The following SLC12A7 variants were observed in gnomAD, a reference collection of about 807,000 sequenced individuals.
SLC12A7 encodes the protein K-Cl cotransporter 4.
A neutral mutation model predicts 120.6 loss-of-function variants in SLC12A7; 100 were observed. That is an observed-to-expected ratio of 0.83 (90% CI 0.71 to 0.98). The LOEUF (loss-of-function observed/expected upper bound fraction) is 0.98. Ranked by LOEUF, SLC12A7 falls within the 50% of genes least tolerant of loss-of-function variation. SLC12A7 has a pLI of 0.00. For missense variants in SLC12A7, 1,373 were observed against 1,548.1 expected, an observed-to-expected ratio of 0.89 and a Z score of 1.90; for synonymous variants, 760 against 678.0, an observed-to-expected ratio of 1.12 and a Z score of -1.88.
intron 1 of SLC12A7, among the ~76,000 whole-genome samples, chr5:1,108,431 C>G (rs1302933155): frequency 6.6e-6 from 1 of 152,220 alleles, no homozygotes; most frequent in African/African-American, 2.4e-5. Flanking sequence ...ATACCCATGA[C>G]CTTCCGTTCC....
chr5:1,085,317 G>A lies in SLC12A7; in HGVS notation c.832C>T (p.Leu278=), dbSNP rs1204776546. ...VGVKYVNKLA[L]VFLACVVLSI... ...AGCACGACGCAGGCCAGGAAGACCA[G>A]CGCCAGCTTGTTGACATACTTGACG... Residue 278 remains leucine, a synonymous_variant, in exon 7 of 24, where the codon CTG becomes TTG. Coordinates refer to ENST00000264930, the MANE Select transcript of SLC12A7 (RefSeq NM_006598.3). The A allele has an allele frequency of 2.5e-6, 4 of 1,612,472 alleles. No individual in the cohort carries two copies. Among genetic ancestry groups the A allele is most frequent in the African/African-American group, 2.7e-5 (2 of 74,950 alleles).
the SLC12A7 span, among the ~76,000 whole-genome samples, chr5:1,132,325 A>T: frequency 6.6e-6 from 1 of 152,082 alleles, no homozygotes; most frequent in Non-Finnish European, 1.5e-5. Context: ...TTCCTGGAAA[A>T]TTCATGAAAA....
Position 1,057,653 on chromosome 5 carries a change from G to A in SLC12A7, c.2848-4C>T. ...TCCTGTCGTGGATCAGCTGGGCCTG[G>A]CGGGCCCGGGACTTGGTGAGACCAG... On this transcript the variant is annotated splice_region_variant and splice_polypyrimidine_tract_variant and intron_variant, in intron 21 of 23. Transcript: ENST00000264930. 1 of 1,593,314 alleles carries A rather than the reference G, an allele frequency of 6.3e-7. No homozygotes were observed. Among genetic ancestry groups the A allele is most frequent in the Non-Finnish European group, 8.5e-7 (1 of 1,176,992 alleles).
At chr5:1,152,120 C>T in the SLC12A7 span, among the ~76,000 whole-genome samples, 1 of 152,128 alleles carries the variant, frequency 6.6e-6, no homozygotes, top group Non-Finnish European at 1.5e-5. Flanking sequence ...TCTCCCCTCC[C>T]CTCCCCTCTC....
chr5:1,086,590 C>T (rs1052988191), intron 6 of SLC12A7, among the ~76,000 whole-genome samples: 5 of 152,362 alleles, frequency 3.3e-5, no homozygotes, highest in Admixed American at 1.3e-4. Flanking sequence ...AGCCCTGCTC[C>T]TAAAACAGCT....
the SLC12A7 span, among the ~76,000 whole-genome samples, chr5:1,154,386 CACACAG>C: frequency 6.6e-6 from 1 of 150,810 alleles, no homozygotes; most frequent in Non-Finnish European, 1.5e-5. Flanking sequence ...CACACACACA[CACACAG>C]AGACACATAC....
intron 23 of SLC12A7, 138 bp downstream of exon 23, chr5:1,053,211 G>T (rs10063723): frequency 1.8e-6 from 2 of 1,131,358 alleles, no homozygotes; most frequent in South Asian, 1.6e-5. Flanking sequence ...ACTGCATCCC[G>T]GTCGTAGCTC....
At position 1,110,368 on chromosome 5, in the gene SLC12A7, C is replaced by T. The variant is rs150811769; in HGVS notation, c.124+1500G>A. Among the ~76,000 whole-genome samples, 1,346 of 152,344 alleles carry T rather than the reference C, an allele frequency of 8.8e-3. 16 individuals carry two copies. The highest frequency in any genetic ancestry group is 0.014 in the Non-Finnish European group (927 of 68,030). Reference sequence around the variant, plus strand: ...ACACGCCCGTAGCAGGACCTGAGTGCGCGGGCAGCGACATGGGCAGCGCTC... The same window carrying T: ...ACACGCCCGTAGCAGGACCTGAGTGTGCGGGCAGCGACATGGGCAGCGCTC... On this transcript the variant is annotated intron_variant, in intron 1 of 23. Coordinates refer to ENST00000264930, the MANE Select transcript of SLC12A7 (RefSeq NM_006598.3).
chr5:1,061,920 G>A (rs1281703140), intron 20 of SLC12A7, among the ~76,000 whole-genome samples: 4 of 152,184 alleles, frequency 2.6e-5, no homozygotes, highest in African/African-American at 4.8e-5. Flanking sequence ...GGGACAGAGC[G>A]AGACTCTGTC....
chr5:1,083,495 C>T (rs1464116152), intron 8 of SLC12A7, among the ~76,000 whole-genome samples: 1 of 152,232 alleles, frequency 6.6e-6, no homozygotes, highest in African/African-American at 2.4e-5. Context: ...GAAAATAAAT[C>T]CATAGCATTA....
At chr5:1,065,010 CTGAGGGGACACGGGACAG>C (rs1203342472) in intron 18 of SLC12A7, among the ~76,000 whole-genome samples, 1 of 91,996 alleles carries the variant, frequency 1.1e-5, no homozygotes, top group Non-Finnish European at 2.0e-5. Context: ...GCAGAGGAGA[CTGAGGGGACACGGGACAG>C]TGAGGGGACA....
upstream of SLC12A7, among the ~76,000 whole-genome samples, chr5:1,115,145 G>C (rs925191647): frequency 5.9e-5 from 9 of 152,218 alleles, no homozygotes; most frequent in Non-Finnish European, 1.3e-4. Flanking sequence ...ATGCAATCTC[G>C]CATCCTTATG....
chr5:1,136,034 C>T, the SLC12A7 span, among the ~76,000 whole-genome samples: 1 of 152,172 alleles, frequency 6.6e-6, no homozygotes, highest in Non-Finnish European at 1.5e-5. Flanking sequence ...CACGGATGCA[C>T]ATTGCCCCTT....
chr5:1,138,505 G>A, the SLC12A7 span, among the ~76,000 whole-genome samples: 3 of 152,122 alleles, frequency 2.0e-5, no homozygotes, highest in Non-Finnish European at 4.4e-5. Context: ...AGGCCCAGCG[G>A]GCTTCACCTC....
At chr5:1,075,283 GC>G (rs1178055054) in intron 15 of SLC12A7, 87 bp downstream of exon 15, 1 of 1,517,108 alleles carries the variant, frequency 6.6e-7, no homozygotes, top group Non-Finnish European at 8.9e-7. Flanking sequence ...CCCCAGGGAG[GC>G]CCCTCCAGGG....
chr5:1,126,484 G>A, the SLC12A7 span, among the ~76,000 whole-genome samples: 5 of 152,108 alleles, frequency 3.3e-5, no homozygotes, highest in African/African-American at 9.7e-5. Flanking sequence ...ATTTGTTTTT[G>A]GTTTTTGTTT....
At chr5:1,054,048 C>T (rs572761848) in intron 22 of SLC12A7, among the ~76,000 whole-genome samples, 6 of 152,348 alleles carry the variant, frequency 3.9e-5, no homozygotes, top group Non-Finnish European at 8.8e-5. Flanking sequence ...GCCTGTGCAG[C>T]CGTTGCTGCT....
chr5:1,111,032 C>T (rs1054645940), intron 1 of SLC12A7, among the ~76,000 whole-genome samples: 3 of 152,258 alleles, frequency 2.0e-5, no homozygotes, highest in African/African-American at 7.2e-5. Context: ...GAGGCTGCCA[C>T]CCACTGCATG....
intron 17 of SLC12A7, 41 bp from the exon 18 acceptor site, chr5:1,065,519 G>C (rs1235407754): frequency 5.3e-5 from 81 of 1,514,418 alleles, no homozygotes; most frequent in Non-Finnish European, 7.1e-5. Flanking sequence ...GCAGGAATGG[G>C]GTGCACAGAC....
Sources: gnomAD v4.1 joint callset for allele counts (sites outside exome capture counted in the v4.1 genomes callset) on GRCh38, gnomAD v4.1.1 for gene constraint, MANE v1.5 for transcripts, NCBI Gene and HGNC (gene_info 2026-07-23, HGNC 2026-07-21) for gene names.